The following PLXNA2 variants were observed in gnomAD, a reference collection of about 807,000 sequenced individuals.
PLXNA2 encodes the protein plexin-A2.
Under a neutral mutation model 193.5 loss-of-function variants are expected in PLXNA2, and 91 were observed. The observed-to-expected ratio is 0.47, with a 90% CI of 0.40 to 0.56. PLXNA2 has a LOEUF of 0.56. Ranked by LOEUF, PLXNA2 falls within the 20% of genes least tolerant of loss-of-function variation. The pLI is 0.00. For synonymous variants in PLXNA2, 997 were observed against 1,027.3 expected (o/e 0.97, Z 0.56); for missense variants, 1,995 against 2,503.2 (o/e 0.80, Z 4.33).
chr1:208,143,418 T>C (rs926329145), intron 3 of PLXNA2, among the ~76,000 whole-genome samples: 1 of 152,226 alleles, frequency 6.6e-6, no homozygotes, highest in African/African-American at 2.4e-5. Context: ...CCCCAGCTGA[T>C]GCTGATGCTG....
intron 13 of PLXNA2, among the ~76,000 whole-genome samples, chr1:208,059,317 C>A (rs1490077376): frequency 1.3e-5 from 2 of 152,228 alleles, no homozygotes; most frequent in African/African-American, 4.8e-5. Context: ...GCCCAGCCAG[C>A]CTTTCCTCCA....
intron 3 of PLXNA2, among the ~76,000 whole-genome samples, chr1:208,195,229 C>T (rs1670320340): frequency 6.6e-6 from 1 of 152,176 alleles, no homozygotes; most frequent in African/African-American, 2.4e-5. Flanking sequence ...TGCCAAAGCT[C>T]ACCTTCTCCT....
At chr1:208,032,676 T>A (rs899753184) in intron 28 of PLXNA2, among the ~76,000 whole-genome samples, 1 of 152,078 alleles carries the variant, frequency 6.6e-6, no homozygotes, top group South Asian at 2.1e-4. Context: ...GGCTAAAAGA[T>A]GAAGCCTCAC....
chr1:208,192,685 G>C (rs1374477038), intron 3 of PLXNA2, among the ~76,000 whole-genome samples: 61 of 151,874 alleles, frequency 4.0e-4, no homozygotes, highest in Non-Finnish European at 1.2e-4. Flanking sequence ...TCAGGAGTTC[G>C]AGACCAGCCT....
intron 9 of PLXNA2, among the ~76,000 whole-genome samples, chr1:208,085,078 T>A (rs905777397): frequency 7.5e-6 from 1 of 133,278 alleles, no homozygotes; most frequent in African/African-American, 2.7e-5. Context: ...TCTAAACACT[T>A]GCTCTGTTTT....
At chr1:208,185,646 G>A (rs11119000) in intron 3 of PLXNA2, among the ~76,000 whole-genome samples, 3,399 of 117,950 alleles carry the variant, frequency 0.029, 148 homozygotes, top group African/African-American at 0.1. Context: ...AACACAACTC[G>A]ATTTCCTGAA....
intron 3 of PLXNA2, among the ~76,000 whole-genome samples, chr1:208,197,000 T>A (rs1670382339): frequency 6.6e-6 from 1 of 152,216 alleles, no homozygotes; most frequent in African/African-American, 2.4e-5. Flanking sequence ...CTTATTATAA[T>A]CCTTCTGAAG....
chr1:208,124,035 G>A (rs1315417766), intron 4 of PLXNA2, among the ~76,000 whole-genome samples: 1 of 152,140 alleles, frequency 6.6e-6, no homozygotes, highest in Non-Finnish European at 1.5e-5. Flanking sequence ...ACATTGCCCC[G>A]TGGCCACTAG....
chr1:208,076,639 C>A (rs1666159294), intron 12 of PLXNA2, among the ~76,000 whole-genome samples: 1 of 152,104 alleles, frequency 6.6e-6, no homozygotes, highest in Admixed American at 6.5e-5. Context: ...GAGGGACATT[C>A]TACAAAATAA....
At chr1:208,061,042 G>A (rs185053628) in intron 12 of PLXNA2, among the ~76,000 whole-genome samples, 7 of 152,118 alleles carry the variant, frequency 4.6e-5, no homozygotes, top group African/African-American at 7.2e-5. Flanking sequence ...CTGCTTCCTC[G>A]GTTCTTTAAG....
At chr1:208,067,514 A>G (rs972425651) in intron 12 of PLXNA2, among the ~76,000 whole-genome samples, 7 of 152,194 alleles carry the variant, frequency 4.6e-5, no homozygotes, top group Admixed American at 1.3e-4. Context: ...GAACTCACCC[A>G]GAGCAACTTC....
At chr1:208,093,134 G>T (rs1666768670) in intron 8 of PLXNA2, among the ~76,000 whole-genome samples, 1 of 152,176 alleles carries the variant, frequency 6.6e-6, no homozygotes, top group African/African-American at 2.4e-5. Flanking sequence ...GACAAAGCAG[G>T]GGTGTGCTTC....
At position 208,044,880 on chromosome 1, in the gene PLXNA2, C is replaced by G; in HGVS notation, c.3640-138G>C. On this transcript the variant is annotated intron_variant, in intron 19 of 31. Coordinates refer to ENST00000367033, the MANE Select transcript of PLXNA2 (RefSeq NM_025179.4). This position sits in a 1 kb window ranked among gnomAD's most constrained non-coding sequence, Gnocchi z 4.9. ...GCAGCTCTAGATAAAAAGCAATTTC[C>G]TGCCTCGGCATCTGCCTTTCTTTTC... is the stretch of plus-strand genomic sequence containing the variant. The G allele has an allele frequency of 2.0e-6, 2 of 988,970 alleles. No individual in the cohort carries two copies. Among genetic ancestry groups the G allele is most frequent in the Non-Finnish European group, 3.0e-6 (2 of 660,656 alleles). 61.3% of individuals were successfully genotyped at this position (988,970 alleles called of 1,614,324 possible).
intron 3 of PLXNA2, among the ~76,000 whole-genome samples, chr1:208,191,821 T>C (rs1670190877): frequency 6.6e-6 from 1 of 152,132 alleles, no homozygotes; most frequent in Admixed American, 6.5e-5. Context: ...GGAGGTGGTG[T>C]ATCAGCATGT....
chr1:208,138,111 G>T (rs574972800), intron 4 of PLXNA2, among the ~76,000 whole-genome samples: 1 of 152,258 alleles, frequency 6.6e-6, no homozygotes, highest in African/African-American at 2.4e-5. Context: ...GTCTTAAATT[G>T]CTGTCTCAAA....
chr1:208,187,212 G>A (rs1670036978), intron 3 of PLXNA2, among the ~76,000 whole-genome samples: 1 of 152,144 alleles, frequency 6.6e-6, no homozygotes, highest in African/African-American at 2.4e-5. Flanking sequence ...ACTGTCATGA[G>A]GATTAAATGA....
Position 208,142,476 on chromosome 1 carries a change from C to A in PLXNA2, c.1372-13G>T, listed in dbSNP as rs755729862. On this transcript the variant is annotated splice_polypyrimidine_tract_variant and intron_variant, in intron 3 of 31. Coordinates refer to ENST00000367033, the MANE Select transcript of PLXNA2 (RefSeq NM_025179.4). The stretch of plus-strand genomic sequence containing the variant: ...CGTCGGCCCGAATCTGTATGAGAAA[C>A]AAGGGTGTCCTCAGCATCTGCCCTC... The A allele has an allele frequency of 4.4e-6, 7 of 1,594,362 alleles. No homozygotes were observed. The Admixed American group carries it at 8.7e-5, about 20-fold the overall frequency.
intron 3 of PLXNA2, among the ~76,000 whole-genome samples, chr1:208,174,276 TTG>T (rs1391392332): frequency 2.6e-5 from 4 of 151,822 alleles, no homozygotes; most frequent in African/African-American, 9.7e-5. Context: ...CAGCCAATGG[TTG>T]TGTGTGGGGT....
At chr1:208,101,172 C>T (rs370575196) in intron 5 of PLXNA2, among the ~76,000 whole-genome samples, 3 of 152,166 alleles carry the variant, frequency 2.0e-5, no homozygotes, top group African/African-American at 7.2e-5. Context: ...ACAGCCCTAA[C>T]AGAGATAAAT....
Sources: allele counts gnomAD v4.1 joint callset (sites outside exome capture counted in the v4.1 genomes callset), GRCh38; gene constraint gnomAD v4.1.1; non-coding constraint Gnocchi (gnomAD v3.1); transcripts MANE v1.5; gene names NCBI Gene and HGNC (gene_info 2026-07-23, HGNC 2026-07-21).